AP3S1: variants seen among roughly 807,000 people sequenced by gnomAD.
AP3S1 encodes the protein AP-3 complex subunit sigma-1.
In AP3S1, 12 loss-of-function variants were observed where a neutral mutation model predicts 21.3. The observed-to-expected ratio is 0.56, with a 90% CI of 0.36 to 0.91. AP3S1 has a LOEUF of 0.91. AP3S1 is among the 40% of genes least tolerant of loss of function. The pLI is 0.01. For missense variants in AP3S1, 116 were observed against 225.0 expected, an observed-to-expected ratio of 0.52 and a Z score of 3.10; for synonymous variants, 48 against 78.4, an observed-to-expected ratio of 0.61 and a Z score of 2.05.
intron 1 of AP3S1, among the ~76,000 whole-genome samples, chr5:115,861,865 C>CTTTTTTT (rs113923492): frequency 1.8e-5 from 2 of 110,610 alleles, no homozygotes; most frequent in Non-Finnish European, 3.5e-5. Context: ...CTTTTCTTTT[C>CTTTTTTT]TTTTTTTTTT....
intron 3 of AP3S1, among the ~76,000 whole-genome samples, chr5:115,884,630 T>C (rs1438362534): frequency 6.6e-6 from 1 of 152,234 alleles, no homozygotes; most frequent in Non-Finnish European, 1.5e-5. Flanking sequence ...TTTACATAGA[T>C]TTATAAAAGC....
chr5:115,848,661 T>C (rs1337277606), intron 1 of AP3S1, among the ~76,000 whole-genome samples: 1 of 152,216 alleles, frequency 6.6e-6, no homozygotes, highest in Non-Finnish European at 1.5e-5. Flanking sequence ...TTTGTACCTG[T>C]GGATTATGGA....
intron 3 of AP3S1, among the ~76,000 whole-genome samples, chr5:115,887,460 T>G (rs1454536836): frequency 6.6e-6 from 1 of 152,048 alleles, no homozygotes. Context: ...CCAATTTTTT[T>G]TTTTACTTAG....
At chr5:115,855,182 A>G (rs996077599) in intron 1 of AP3S1, among the ~76,000 whole-genome samples, 3 of 151,896 alleles carry the variant, frequency 2.0e-5, no homozygotes, top group Non-Finnish European at 2.9e-5. Context: ...GACTACAGGC[A>G]TACACCACCA....
intron 1 of AP3S1, among the ~76,000 whole-genome samples, chr5:115,858,941 T>TA (rs1421691659): frequency 6.6e-6 from 1 of 151,310 alleles, no homozygotes; most frequent in African/African-American, 2.4e-5. Context: ...TTTATTTATT[T>TA]TTTATTTTTT....
At chr5:115,910,662 T>C (rs1282825799) in intron 5 of AP3S1, among the ~76,000 whole-genome samples, 3 of 152,220 alleles carry the variant, frequency 2.0e-5, no homozygotes, top group Non-Finnish European at 4.4e-5. Context: ...ATTTGTTTTA[T>C]AGCCATTCTG....
At chr5:115,901,153 T>C (rs1212996131) in intron 4 of AP3S1, among the ~76,000 whole-genome samples, 1 of 152,314 alleles carries the variant, frequency 6.6e-6, no homozygotes, top group Middle Eastern at 3.4e-3. Context: ...TTTCAATTCT[T>C]TATTTTCTTG....
chr5:115,894,669 T>C (rs1750596873), intron 3 of AP3S1, among the ~76,000 whole-genome samples: 1 of 152,200 alleles, frequency 6.6e-6, no homozygotes, highest in African/African-American at 2.4e-5. Flanking sequence ...TCTTTTATAC[T>C]GATTTGATAA....
chr5:115,910,949 C>A (rs888287617), intron 5 of AP3S1, among the ~76,000 whole-genome samples: 2 of 152,042 alleles, frequency 1.3e-5, no homozygotes, highest in African/African-American at 2.4e-5. Context: ...AATTCATTTG[C>A]GTGTTCTGAA....
chr5:115,845,836 CAAAAAAAAAAAAAAAAAAAAAAAAAA>C (rs755171274), intron 1 of AP3S1, among the ~76,000 whole-genome samples: 5 of 34,434 alleles, frequency 1.5e-4, no homozygotes, highest in African/African-American at 4.4e-4. Flanking sequence ...GACTCCATCT[CAAAAAAAAAAAAAAAAAAAAAAAAAA>C]AAAAAAAAAA....
chr5:115,850,871 T>A (rs933061104), intron 1 of AP3S1, among the ~76,000 whole-genome samples: 9 of 152,096 alleles, frequency 5.9e-5, no homozygotes, highest in African/African-American at 1.9e-4. Context: ...TTGGCCATTG[T>A]TACAAGCAGG....
chr5:115,883,616 G>T (rs1170593330), intron 3 of AP3S1, among the ~76,000 whole-genome samples: 1 of 152,230 alleles, frequency 6.6e-6, no homozygotes, highest in Non-Finnish European at 1.5e-5. Flanking sequence ...CGTTGATCTC[G>T]CTGGGAGCTG....
At chr5:115,868,893 G>GAGAGAGCGAGAC (rs1747942547) in intron 2 of AP3S1, among the ~76,000 whole-genome samples, 1 of 120,410 alleles carries the variant, frequency 8.3e-6, no homozygotes, top group South Asian at 3.0e-4. Flanking sequence ...AAAAGAAAGA[G>GAGAGAGCGAGAC]AGAGAGAGAG....
chr5:115,874,304 T>C (rs1157817072), intron 3 of AP3S1, among the ~76,000 whole-genome samples: 1 of 152,114 alleles, frequency 6.6e-6, no homozygotes. Context: ...TCCTTTCTGT[T>C]GTAGCATATT....
intron 1 of AP3S1, among the ~76,000 whole-genome samples, chr5:115,858,828 C>A (rs1388226370): frequency 6.7e-6 from 1 of 150,200 alleles, no homozygotes; most frequent in Non-Finnish European, 1.5e-5. Flanking sequence ...TTTCTTACTT[C>A]TCTTATATTA....
intron 1 of AP3S1, among the ~76,000 whole-genome samples, chr5:115,855,158 T>G (rs866843559): frequency 3.9e-5 from 6 of 152,028 alleles, no homozygotes; most frequent in African/African-American, 1.4e-4. Context: ...TGCCTCAGCC[T>G]CCTGAGTAGC....
At chr5:115,891,136 T>C (rs1359260115) in intron 3 of AP3S1, among the ~76,000 whole-genome samples, 1 of 152,130 alleles carries the variant, frequency 6.6e-6, no homozygotes. Context: ...TAGATAAAGT[T>C]GGGAGTTTGG....
At chr5:115,909,653 C>A (rs906603015) in intron 5 of AP3S1, among the ~76,000 whole-genome samples, 1 of 152,144 alleles carries the variant, frequency 6.6e-6, no homozygotes, top group Non-Finnish European at 1.5e-5. Context: ...GTTATTTCTC[C>A]AGTAGAATTT....
intron 3 of AP3S1, among the ~76,000 whole-genome samples, chr5:115,875,046 T>G (rs1748580515): frequency 6.6e-6 from 1 of 152,206 alleles, no homozygotes. Flanking sequence ...GATTAACATT[T>G]CAGTGGTTTT....
Sources: gnomAD v4.1 joint callset for allele counts (sites outside exome capture counted in the v4.1 genomes callset) on GRCh38, gnomAD v4.1.1 for gene constraint, MANE v1.5 for transcripts, NCBI Gene and HGNC (gene_info 2026-07-23, HGNC 2026-07-21) for gene names.